Variants in SLIT1 observed in about 807,000 individuals in gnomAD.
The protein encoded by SLIT1 is slit homolog 1 protein.
Under a neutral mutation model 186.1 loss-of-function variants are expected in SLIT1, and 66 were observed. The observed-to-expected ratio is 0.35, with a 90% confidence interval of 0.29 to 0.44. The LOEUF is 0.44. Ranked by LOEUF, SLIT1 falls within the 20% of genes least tolerant of loss-of-function variation. The pLI is 1.00. For missense variants in SLIT1, 1,638 were observed against 2,037.4 expected (o/e 0.80, Z 3.77); for synonymous variants, 761 against 833.8 (o/e 0.91, Z 1.50).
chr10:97,164,392 G>A (rs1293562075), intron 2 of SLIT1, among the ~76,000 whole-genome samples: 1 of 152,214 alleles, frequency 6.6e-6, no homozygotes, highest in Non-Finnish European at 1.5e-5. Flanking sequence ...GGGGAATCCT[G>A]GGAGAGAGCA....
At chr10:97,136,875 A>G (rs1849708377) in intron 4 of SLIT1, among the ~76,000 whole-genome samples, 1 of 152,220 alleles carries the variant, frequency 6.6e-6, no homozygotes, top group African/African-American at 2.4e-5. Context: ...GATATTAACA[A>G]TGGAGACAGG....
intron 28 of SLIT1, among the ~76,000 whole-genome samples, chr10:97,014,629 G>A (rs1158480539): frequency 1.3e-5 from 2 of 152,224 alleles, no homozygotes; most frequent in Non-Finnish European, 2.9e-5. Flanking sequence ...CACTTTGGGA[G>A]GCCAAGGCAG....
At chr10:97,178,635 G>A (rs748895089) in intron 1 of SLIT1, among the ~76,000 whole-genome samples, 10 of 152,182 alleles carry the variant, frequency 6.6e-5, no homozygotes, top group Admixed American at 1.3e-4. Context: ...TTGCACCGAT[G>A]TTTAATTTTC....
At chr10:97,067,382 G>A (rs541362528) in intron 4 of SLIT1, among the ~76,000 whole-genome samples, 132 of 152,234 alleles carry the variant, frequency 8.7e-4, no homozygotes, top group Non-Finnish European at 1.7e-3. Context: ...GTGTGCAAAC[G>A]CCCCTTTCCA....
At chr10:97,037,569 G>A (rs575522070) in intron 22 of SLIT1, 129 bp downstream of exon 22, 3 of 695,202 alleles carry the variant, frequency 4.3e-6, no homozygotes, top group Admixed American at 4.7e-5. Context: ...TGTTCCCAGA[G>A]GGGAGCAGGG....
At chr10:97,108,612 C>T (rs1370995119) in intron 4 of SLIT1, among the ~76,000 whole-genome samples, 1 of 152,098 alleles carries the variant, frequency 6.6e-6, no homozygotes, top group African/African-American at 2.4e-5. Flanking sequence ...CACATTTGGC[C>T]AGGTGTGGTG....
chr10:97,022,966 G>C lies in SLIT1; in HGVS notation c.2583-1553C>G, dbSNP rs927480114. 6.6e-6 allele frequency among the ~76,000 whole-genome samples: 1 copy of C among 152,164 alleles called. No homozygotes were observed. The highest frequency in any genetic ancestry group is 2.4e-5 in the African/African-American group (1 of 41,442). ...TGTCCAACTGTTCCGCAATATCCCA[G>C]AGTGGATATCCCATGGCACAGTGGA... On this transcript the variant is annotated intron_variant, in intron 25 of 36. Coordinates refer to ENST00000266058, the MANE Select transcript of SLIT1 (RefSeq NM_003061.3). The surrounding 1 kb of genome is among the most constrained non-coding windows in gnomAD (Gnocchi z 4.2).
chr10:97,018,685 TG>T lies in SLIT1; in HGVS notation c.2872-3del. 2 of 1,572,810 alleles carry T rather than the reference TG, an allele frequency of 1.3e-6. No individual in the cohort carries two copies. The highest frequency in any genetic ancestry group is 1.7e-6 in the Non-Finnish European group (2 of 1,158,192). ...CAGGGACACCTCACAGTCTCGACCC[TG>T]GGGGGAAAGTCAGTGATGGGGACCC... is the stretch of plus-strand genomic sequence containing the variant. On this transcript the variant is annotated splice_polypyrimidine_tract_variant and splice_region_variant and intron_variant, in intron 27 of 36. Transcript: ENST00000266058.
At chr10:97,072,325 ATTTTTT>A (rs1849007960) in intron 4 of SLIT1, among the ~76,000 whole-genome samples, 2 of 152,086 alleles carry the variant, frequency 1.3e-5, no homozygotes, top group African/African-American at 4.8e-5. Context: ...TGCCTGGCTA[ATTTTTT>A]AAAAAATATT....
At chr10:97,037,048 T>TTGTGTGTGTGTG (rs59578209) in intron 22 of SLIT1, among the ~76,000 whole-genome samples, 4 of 116,882 alleles carry the variant, frequency 3.4e-5, no homozygotes, top group African/African-American at 1.0e-4. Flanking sequence ...ATAACCCCCT[T>TTGTGTGTGTGTG]TGTGTGTGTG....
At chr10:97,069,097 T>G (rs933779352) in intron 4 of SLIT1, among the ~76,000 whole-genome samples, 4 of 152,232 alleles carry the variant, frequency 2.6e-5, no homozygotes, top group African/African-American at 9.7e-5. Flanking sequence ...CTCTCCATCT[T>G]CCTAAGTGGG....
At chr10:97,019,956 C>A (rs2134599701) in intron 26 of SLIT1, among the ~76,000 whole-genome samples, 1 of 151,770 alleles carries the variant, frequency 6.6e-6, no homozygotes, top group Non-Finnish European at 1.5e-5. Flanking sequence ...GTTCTGTTTC[C>A]TTTCTTTTTT....
intron 4 of SLIT1, among the ~76,000 whole-genome samples, chr10:97,075,390 T>C (rs1451785109): frequency 6.6e-6 from 1 of 152,206 alleles, no homozygotes; most frequent in Non-Finnish European, 1.5e-5. Flanking sequence ...ACTTTAATAA[T>C]TGCCTTTTGG....
Position 97,064,661 on chromosome 10 carries a change from T to C in SLIT1, c.557+144A>G, listed in dbSNP as rs533600291. On this transcript the variant is annotated intron_variant, in intron 6 of 36. Transcript: ENST00000266058. ...CTGCAGGCACAACCCCATGAGTGCCTGTCCTCCCCTCCTCCGAGGTGATTC... is the reference window on the plus strand; with the variant it reads ...CTGCAGGCACAACCCCATGAGTGCCCGTCCTCCCCTCCTCCGAGGTGATTC... The C allele has an allele frequency of 7.8e-5, 50 of 644,138 alleles. No homozygotes were observed. In the South Asian group the frequency reaches 9.6e-4, roughly 12 times the overall value. 39.9% of individuals were successfully genotyped at this position (644,138 alleles called of 1,614,324 possible).
Position 97,019,975 on chromosome 10 carries a change from T to C in SLIT1, c.2747-868A>G, listed in dbSNP as rs1848488482. ...TGTTTCCTTTCTTTTTTCCTTTATT[T>C]TCCTTTATTTTTTTTTTTAGACAGG... On this transcript the variant is annotated intron_variant, in intron 26 of 36. Transcript: ENST00000266058. 2.0e-5 allele frequency among the ~76,000 whole-genome samples: 3 copies of C among 151,044 alleles called. No homozygotes were observed. In the South Asian group the frequency reaches 6.5e-4, roughly 33 times the overall value.
At chr10:97,181,284 C>G (rs964331814) in intron 1 of SLIT1, among the ~76,000 whole-genome samples, 1 of 152,242 alleles carries the variant, frequency 6.6e-6, no homozygotes, top group South Asian at 2.1e-4. Context: ...CAGATCCAAT[C>G]GGGCCCTGAT....
At chr10:97,127,274 A>G (rs1007327523) in intron 4 of SLIT1, among the ~76,000 whole-genome samples, 3 of 148,312 alleles carry the variant, frequency 2.0e-5, no homozygotes, top group African/African-American at 7.3e-5. Flanking sequence ...CGACAGAGCG[A>G]GACTCCGTCT....
At chr10:97,082,917 G>C (rs114537536) in intron 4 of SLIT1, among the ~76,000 whole-genome samples, 180 of 151,874 alleles carry the variant, frequency 1.2e-3, no homozygotes, top group African/African-American at 4.3e-3. Context: ...CTGTTTGTTT[G>C]TTTGTTGTTT....
intron 18 of SLIT1, among the ~76,000 whole-genome samples, chr10:97,045,547 C>T (rs1280993869): frequency 6.6e-6 from 1 of 152,128 alleles, no homozygotes; most frequent in African/African-American, 2.4e-5. Context: ...GGGTATGGGC[C>T]CTTCTCTTTT....
Sources: gnomAD v4.1 joint callset for allele counts (sites outside exome capture counted in the v4.1 genomes callset) on GRCh38, gnomAD v4.1.1 for gene constraint, Gnocchi (gnomAD v3.1) non-coding constraint, MANE v1.5 for transcripts, NCBI Gene and HGNC (gene_info 2026-07-23, HGNC 2026-07-21) for gene names.